Variants in ANKRD55 observed in about 807,000 individuals in gnomAD.
ANKRD55 encodes the protein ankyrin repeat domain-containing protein 55.
Under a neutral mutation model 60.6 loss-of-function variants are expected in ANKRD55, and 41 were observed. The ratio of observed to expected loss-of-function variants is 0.68; its 90% CI spans 0.53 to 0.88. The LOEUF (loss-of-function observed/expected upper bound fraction) is 0.88. Ranked by LOEUF, ANKRD55 falls within the 40% of genes least tolerant of loss-of-function variation. The probability of loss-of-function intolerance (pLI) is 0.00; values close to 1 mark genes in which losing one functional copy is unlikely to be tolerated. For synonymous variants in ANKRD55, 264 were observed against 290.3 expected, an observed-to-expected ratio of 0.91 and a Z score of 0.92; for missense variants, 732 against 767.6, an observed-to-expected ratio of 0.95 and a Z score of 0.55.
At chr5:56,105,413 C>T (rs1381701481) in intron 10 of ANKRD55, among the ~76,000 whole-genome samples, 1 of 152,094 alleles carries the variant, frequency 6.6e-6, no homozygotes, top group Non-Finnish European at 1.5e-5. Flanking sequence ...ATTAGCAGTC[C>T]TAAGAAAGAG....
intron 2 of ANKRD55, among the ~76,000 whole-genome samples, chr5:56,201,481 T>C (rs1431852405): frequency 6.6e-6 from 1 of 152,146 alleles, no homozygotes; most frequent in Non-Finnish European, 1.5e-5. Context: ...AGCATACATA[T>C]AGAAAAATGG....
At position 56,141,079 on chromosome 5, in the gene ANKRD55, CTA is replaced by C. The variant is rs546592262; in HGVS notation, c.612+2720_612+2721del. ...CTCCATCTCAAAAAAATATATCTATCTATATATATATGTGTGTGTGTGTGTAT... is the reference window on the plus strand; with the variant it reads ...CTCCATCTCAAAAAAATATATCTATCTATATATATGTGTGTGTGTGTGTAT... On this transcript the variant is annotated intron_variant, in intron 7 of 11. Coordinates refer to ENST00000341048, the MANE Select transcript of ANKRD55 (RefSeq NM_024669.3). Among the ~76,000 whole-genome samples the C allele has an allele frequency of 2.0e-5, 3 of 147,432 alleles. No homozygotes were observed. The South Asian group carries it at 6.4e-4, about 32-fold the overall frequency.
chr5:56,210,835 G>T (rs1270347726), intron 2 of ANKRD55, among the ~76,000 whole-genome samples: 1 of 152,056 alleles, frequency 6.6e-6, no homozygotes, highest in Non-Finnish European at 1.5e-5. Flanking sequence ...ATATAAATTT[G>T]TAAACTTTCT....
chr5:56,135,454 C>T (rs1199053865), intron 7 of ANKRD55, among the ~76,000 whole-genome samples: 1 of 151,672 alleles, frequency 6.6e-6, no homozygotes, highest in Non-Finnish European at 1.5e-5. Flanking sequence ...ACTGTGACCT[C>T]CGCCTCCCAG....
At chr5:56,232,763 C>CACAA (rs1760288796) in intron 2 of ANKRD55, 93 bp downstream of exon 2, 3 of 1,305,800 alleles carry the variant, frequency 2.3e-6, no homozygotes, top group Non-Finnish European at 3.3e-6. Flanking sequence ...CACACACACA[C>CACAA]ACACACTTCT....
At chr5:56,155,898 A>G (rs1285496801) in intron 6 of ANKRD55, among the ~76,000 whole-genome samples, 2 of 151,874 alleles carry the variant, frequency 1.3e-5, no homozygotes, top group African/African-American at 4.8e-5. Context: ...ATACAGATAC[A>G]TATATATACA....
At chr5:56,179,727 A>T (rs927792577) in intron 3 of ANKRD55, among the ~76,000 whole-genome samples, 9 of 152,210 alleles carry the variant, frequency 5.9e-5, no homozygotes, top group African/African-American at 1.9e-4. Context: ...TCCAGTTCCA[A>T]CTATTTTATT....
chr5:56,191,941 A>G (rs1446544568), intron 2 of ANKRD55, among the ~76,000 whole-genome samples: 1 of 152,274 alleles, frequency 6.6e-6, no homozygotes, highest in Non-Finnish European at 1.5e-5. Flanking sequence ...ATGAGGAAGC[A>G]TGATGTAGAA....
At chr5:56,148,953 G>A (rs1194337952) in intron 6 of ANKRD55, among the ~76,000 whole-genome samples, 1 of 152,072 alleles carries the variant, frequency 6.6e-6, no homozygotes, top group Admixed American at 6.6e-5. Flanking sequence ...CTTGGCTCTG[G>A]TTGACATTTA....
chr5:56,166,099 T>TTTCTTTCTTTCTTTCTTTC (rs1554040788), intron 5 of ANKRD55, among the ~76,000 whole-genome samples: 1,985 of 37,990 alleles, frequency 0.052, 128 homozygotes, highest in South Asian at 0.076. Flanking sequence ...TCTTTCTTTC[T>TTTCTTTCTTTCTTTCTTTC]TTCTTTCTTT....
chr5:56,176,835 G>T (rs1758747571), intron 3 of ANKRD55, among the ~76,000 whole-genome samples: 1 of 152,196 alleles, frequency 6.6e-6, no homozygotes, highest in South Asian at 2.1e-4. Context: ...AATAAAAATA[G>T]AGATGAAATT....
At chr5:56,215,484 T>A (rs1394556272) in intron 2 of ANKRD55, among the ~76,000 whole-genome samples, 1 of 152,200 alleles carries the variant, frequency 6.6e-6, no homozygotes, top group East Asian at 1.9e-4. Context: ...ATGGCTGTTG[T>A]CCCTGCCAGC....
chr5:56,173,926 A>T (rs182628780), intron 4 of ANKRD55, among the ~76,000 whole-genome samples: 1 of 152,156 alleles, frequency 6.6e-6, no homozygotes, highest in East Asian at 1.9e-4. Flanking sequence ...TGTGGCTGAG[A>T]CTTAACTTCT....
chr5:56,176,314 ATG>A, intron 3 of ANKRD55, 32 bp from the exon 4 acceptor site: 1 of 1,613,708 alleles, frequency 6.2e-7, no homozygotes, highest in Non-Finnish European at 8.5e-7. Context: ...GCCTTTAAAC[ATG>A]TGTGACCCAT....
intron 11 of ANKRD55, 74 bp from the exon 12 acceptor site, chr5:56,100,378 T>C (rs968454682): frequency 6.3e-6 from 10 of 1,584,590 alleles, no homozygotes; most frequent in South Asian, 1.1e-5. Flanking sequence ...AGAATTGTAT[T>C]GTGTTTTAGG....
intron 6 of ANKRD55, among the ~76,000 whole-genome samples, chr5:56,147,865 A>G (rs1239138106): frequency 6.6e-6 from 1 of 152,170 alleles, no homozygotes; most frequent in Non-Finnish European, 1.5e-5. Context: ...TTTTCCTACA[A>G]CTGCTTCCTT....
chr5:56,153,058 G>A (rs1213985778), intron 6 of ANKRD55, among the ~76,000 whole-genome samples: 2 of 152,076 alleles, frequency 1.3e-5, no homozygotes, highest in Non-Finnish European at 2.9e-5. Context: ...TTAATATTCA[G>A]CATATAAACT....
chr5:56,166,123 T>TTTCTTTCTTTCTTTC (rs1758457695), intron 5 of ANKRD55, among the ~76,000 whole-genome samples: 1 of 88,558 alleles, frequency 1.1e-5, no homozygotes, highest in South Asian at 3.8e-4. Context: ...TCTTTCTTTC[T>TTTCTTTCTTTCTTTC]TTCTTTCTTT....
chr5:56,166,524 A>G (rs1388378152), intron 5 of ANKRD55, among the ~76,000 whole-genome samples: 1 of 151,976 alleles, frequency 6.6e-6, no homozygotes, highest in Admixed American at 6.6e-5. Context: ...CTGTCTCCCA[A>G]AGCACTAGGA....
Sources: gnomAD v4.1 joint callset for allele counts (sites outside exome capture counted in the v4.1 genomes callset) on GRCh38, gnomAD v4.1.1 for gene constraint, MANE v1.5 for transcripts, NCBI Gene and HGNC (gene_info 2026-07-23, HGNC 2026-07-21) for gene names.